The following CACNA2D3 variants were observed in gnomAD, a reference collection of about 807,000 sequenced individuals.
The protein encoded by CACNA2D3 is calcium voltage-gated channel auxiliary subunit alpha2delta 3, also known as voltage-dependent calcium channel subunit alpha-2/delta-3.
CACNA2D3 carries 60 observed loss-of-function variants against 160.6 expected under a neutral mutation model. The observed-to-expected ratio is 0.37, with a 90% CI of 0.30 to 0.46. The LOEUF (loss-of-function observed/expected upper bound fraction) is 0.46. Among genes scored for constraint, CACNA2D3 ranks in the 20% least tolerant of loss-of-function variants. The pLI, the probability that CACNA2D3 is intolerant of heterozygous loss-of-function variation, is 1.00. For missense variants in CACNA2D3, 1,205 were observed against 1,365.0 expected (o/e 0.88, Z 1.85); for synonymous variants, 558 against 492.9 (o/e 1.13, Z -1.75).
chr3:54,947,419 A>G (rs2107004953), intron 27 of CACNA2D3, among the ~76,000 whole-genome samples: 1 of 152,340 alleles, frequency 6.6e-6, no homozygotes, highest in East Asian at 1.9e-4. Context: ...AAAGAATACC[A>G]GGATTCCAGG....
chr3:54,270,246 C>T (rs1403860853), intron 2 of CACNA2D3, among the ~76,000 whole-genome samples: 1 of 152,332 alleles, frequency 6.6e-6, no homozygotes, highest in African/African-American at 2.4e-5. Context: ...TAACAGACAA[C>T]ACTGTTTCAT....
rs769443944 is a variant in CACNA2D3 at position 54,879,068 on chromosome 3, G to A, written c.1761G>A (p.Val587=). The change falls in exon 19 of 38, where the codon GTG becomes GTA. Residue 587 remains valine, a synonymous_variant. Coordinates refer to ENST00000474759, the MANE Select transcript of CACNA2D3 (RefSeq NM_018398.3). ...AGACGGGGAAGTTTTCCATGGAGGT[G>A]AAGAAGACAGTGGACAAAGGGGTAC... The part of the protein sequence containing the change: ...NRKTGKFSME[V]KKTVDKGKRV... The A allele has an allele frequency of 1.9e-6, 3 of 1,604,732 alleles. No homozygotes were observed. The highest frequency in any genetic ancestry group is 1.7e-5 in the Admixed American group (1 of 58,064).
chr3:54,354,317 C>T (rs1156484360), intron 3 of CACNA2D3, among the ~76,000 whole-genome samples: 2 of 152,172 alleles, frequency 1.3e-5, no homozygotes, highest in Non-Finnish European at 2.9e-5. Context: ...GGCCTTTTTG[C>T]CCTTCTGATG....
At chr3:54,629,906 C>T (rs778595337) in intron 10 of CACNA2D3, among the ~76,000 whole-genome samples, 22 of 152,100 alleles carry the variant, frequency 1.4e-4, no homozygotes, top group African/African-American at 4.1e-4. Context: ...GCCTAAGTGG[C>T]GAAGGAGAAA....
rs145220190 is a variant in CACNA2D3, at chr3:54,987,969, C to T, written c.2690+216C>T. On this transcript the variant is annotated intron_variant, in intron 31 of 37. Coordinates refer to ENST00000474759, the MANE Select transcript of CACNA2D3 (RefSeq NM_018398.3). ...CAGTTCACAATGAGTTTCCTGTTCA[C>T]CCAGCAGAGCATTTATTGGAGGCCA... Among the ~76,000 whole-genome samples, 922 of 152,268 alleles carry T rather than the reference C, an allele frequency of 6.1e-3. 4 individuals carry two copies. The highest frequency in any genetic ancestry group is 8.8e-3 in the Non-Finnish European group (601 of 68,014).
At chr3:54,787,188 G>T (rs1702657965) in intron 13 of CACNA2D3, among the ~76,000 whole-genome samples, 1 of 152,162 alleles carries the variant, frequency 6.6e-6, no homozygotes, top group Non-Finnish European at 1.5e-5. Flanking sequence ...ATTGAATTCT[G>T]AAATAGCTCA....
chr3:54,899,658 G>T, intron 26 of CACNA2D3, 130 bp from the exon 27 acceptor site: 1 of 660,250 alleles, frequency 1.5e-6, no homozygotes, highest in Non-Finnish European at 2.7e-6. Context: ...CACCTCAGAG[G>T]ACTCTGGGGC....
chr3:54,351,004 T>TTTTTTA (rs1698553976), intron 3 of CACNA2D3, among the ~76,000 whole-genome samples: 1 of 131,188 alleles, frequency 7.6e-6, no homozygotes, highest in Admixed American at 8.3e-5. Context: ...TTTTTTTTTT[T>TTTTTTA]TTGAGACAGA....
At chr3:54,378,068 G>A (rs1699039880) in intron 3 of CACNA2D3, among the ~76,000 whole-genome samples, 1 of 152,174 alleles carries the variant, frequency 6.6e-6, no homozygotes, top group Non-Finnish European at 1.5e-5. Context: ...ATAATTAAGG[G>A]CTGGAACAGA....
At chr3:54,502,183 A>T (rs1701305673) in intron 4 of CACNA2D3, among the ~76,000 whole-genome samples, 1 of 152,148 alleles carries the variant, frequency 6.6e-6, no homozygotes, top group Non-Finnish European at 1.5e-5. Context: ...TTTGTCATTA[A>T]TTTTGGAAAA....
intron 35 of CACNA2D3, among the ~76,000 whole-genome samples, chr3:55,045,652 C>G (rs1397889213): frequency 6.6e-6 from 1 of 152,082 alleles, no homozygotes; most frequent in Non-Finnish European, 1.5e-5. Context: ...TTCTTTAGTT[C>G]ATCTAAGTTA....
intron 4 of CACNA2D3, among the ~76,000 whole-genome samples, chr3:54,393,340 CTG>C (rs1575430662): frequency 1.3e-5 from 2 of 152,230 alleles, no homozygotes; most frequent in East Asian, 1.9e-4. Context: ...GCAGCTGACA[CTG>C]TGTCCTGTCC....
At chr3:54,421,703 G>T (rs1699838801) in intron 4 of CACNA2D3, among the ~76,000 whole-genome samples, 1 of 152,108 alleles carries the variant, frequency 6.6e-6, no homozygotes, top group Admixed American at 6.5e-5. Context: ...TTGAGGGTTG[G>T]GAAGCAGGGC....
At chr3:54,174,670 G>A (rs549457718) in intron 2 of CACNA2D3, among the ~76,000 whole-genome samples, 12 of 152,226 alleles carry the variant, frequency 7.9e-5, no homozygotes, top group East Asian at 1.9e-4. Flanking sequence ...GACTACAGGC[G>A]CCCGCCACCA....
At chr3:54,813,654 C>A (rs1703383099) in intron 13 of CACNA2D3, among the ~76,000 whole-genome samples, 1 of 151,948 alleles carries the variant, frequency 6.6e-6, no homozygotes, top group South Asian at 2.1e-4. Context: ...AAGGGAAGTA[C>A]CAGTCACAGG....
At chr3:54,402,067 A>G (rs1272230311) in intron 4 of CACNA2D3, among the ~76,000 whole-genome samples, 1 of 152,198 alleles carries the variant, frequency 6.6e-6, no homozygotes, top group Admixed American at 6.5e-5. Context: ...AAAATATCCT[A>G]TTATAACTGT....
At chr3:54,572,716 C>A (rs1559516054) in intron 8 of CACNA2D3, among the ~76,000 whole-genome samples, 1 of 152,206 alleles carries the variant, frequency 6.6e-6, no homozygotes, top group Non-Finnish European at 1.5e-5. Context: ...ACTCTAGTTG[C>A]CAGCCTAGTG....
chr3:54,773,042 C>A (rs1702348093), intron 13 of CACNA2D3, among the ~76,000 whole-genome samples: 1 of 152,218 alleles, frequency 6.6e-6, no homozygotes, highest in African/African-American at 2.4e-5. Context: ...AGCCCTCTTG[C>A]CCCTCCCGTT....
At chr3:54,621,418 G>C (rs1318065975) in intron 9 of CACNA2D3, among the ~76,000 whole-genome samples, 1 of 152,200 alleles carries the variant, frequency 6.6e-6, no homozygotes, top group Admixed American at 6.5e-5. Flanking sequence ...CGCCAGCGTG[G>C]GCTCATCTCC....
Sources: gnomAD v4.1 joint callset for allele counts (sites outside exome capture counted in the v4.1 genomes callset) on GRCh38, gnomAD v4.1.1 for gene constraint, MANE v1.5 for transcripts, NCBI Gene and HGNC (gene_info 2026-07-23, HGNC 2026-07-21) for gene names.